The following ANKRD11 variants were observed in gnomAD, a reference collection of about 807,000 sequenced individuals.
ANKRD11 encodes ankyrin repeat domain-containing protein 11.
In ANKRD11, 17 loss-of-function variants were observed where a neutral mutation model predicts 195.7. That is an observed-to-expected ratio of 0.09 (90% confidence interval 0.06 to 0.13). ANKRD11 has a LOEUF of 0.13. Among genes scored for constraint, ANKRD11 ranks in the 10% least tolerant of loss-of-function variants. ANKRD11 has a pLI of 1.00. For synonymous variants in ANKRD11, 1,953 were observed against 1,528.1 expected (o/e 1.28, Z -6.49); for missense variants, 3,735 against 3,566.1 (o/e 1.05, Z -1.21).
intron 1 of ANKRD11, among the ~76,000 whole-genome samples, chr16:89,423,876 G>C (rs1027190842): frequency 6.6e-6 from 1 of 152,194 alleles, no homozygotes; most frequent in African/African-American, 2.4e-5. Context: ...ACAAAATGTA[G>C]AAGAGGGGTC....
At chr16:89,406,726 G>A (rs1057344750) in intron 2 of ANKRD11, among the ~76,000 whole-genome samples, 6 of 152,166 alleles carry the variant, frequency 3.9e-5, no homozygotes, top group African/African-American at 1.4e-4. Context: ...GGACCTCAGT[G>A]CCTCCTTCAC....
intron 7 of ANKRD11, chr16:89,286,999 T>C: frequency 3.1e-6 from 4 of 1,289,630 alleles, no homozygotes; most frequent in Non-Finnish European, 4.0e-6. Context: ...AGTACAGAGT[T>C]CTTATGTGTG....
intron 2 of ANKRD11, among the ~76,000 whole-genome samples, chr16:89,319,443 T>C (rs1756995853): frequency 6.6e-6 from 1 of 152,214 alleles, no homozygotes; most frequent in African/African-American, 2.4e-5. Flanking sequence ...CTCCGGGGAC[T>C]CGGGAGTGTT....
chr16:89,356,926 C>T (rs1351664051), intron 2 of ANKRD11, among the ~76,000 whole-genome samples: 1 of 152,240 alleles, frequency 6.6e-6, no homozygotes, highest in Admixed American at 6.5e-5. Context: ...TCCCAGGCAT[C>T]CTGCTGCTGG....
rs2037115389 is a variant in ANKRD11, at chr16:89,318,650, G to A, written c.-59-1572C>T. Among the ~76,000 whole-genome samples the A allele has an allele frequency of 5.3e-5, 8 of 152,208 alleles. No individual in the cohort carries two copies. In the South Asian group the frequency reaches 1.7e-3, roughly 31 times the overall value. The stretch of plus-strand genomic sequence containing the variant: ...CGTTGCATGCCACCTGCCCCTGGAC[G>A]CAGGCTTGGCTGAGACCACAAGATG... On this transcript the variant is annotated intron_variant, in intron 2 of 12. Coordinates refer to ENST00000301030, the MANE Select transcript of ANKRD11 (RefSeq NM_013275.6).
intron 2 of ANKRD11, among the ~76,000 whole-genome samples, chr16:89,347,432 A>AC (rs1023320995): frequency 9.2e-5 from 14 of 151,944 alleles, no homozygotes; most frequent in African/African-American, 3.4e-4. Context: ...GCACGGTGAA[A>AC]CCCCGTCTCT....
chr16:89,298,225 A>C (rs2151834951), intron 4 of ANKRD11: 1 of 152,414 alleles, frequency 6.6e-6, no homozygotes, highest in South Asian at 2.1e-4. Context: ...TCAGATGACA[A>C]CCAAACAGAA....
At chr16:89,337,622 A>G (rs2038440426) in intron 2 of ANKRD11, among the ~76,000 whole-genome samples, 2 of 151,582 alleles carry the variant, frequency 1.3e-5, no homozygotes, top group African/African-American at 4.8e-5. Flanking sequence ...TATTTTTTAT[A>G]GTAGAGATGG....
intron 1 of ANKRD11, among the ~76,000 whole-genome samples, chr16:89,428,265 C>T (rs1020911203): frequency 5.3e-5 from 8 of 151,944 alleles, no homozygotes; most frequent in Non-Finnish European, 7.4e-5. Flanking sequence ...GTGGTTCACG[C>T]CTATAATCCC....
In ANKRD11 at chr16:89,428,252, A is replaced by G. The variant is rs186335715; in HGVS notation, c.-144-9884T>C. Among the ~76,000 whole-genome samples, 927 of 151,350 alleles carry G rather than the reference A, an allele frequency of 6.1e-3. 3 individuals are homozygous for G. Among genetic ancestry groups the G allele is most frequent in the Middle Eastern group, 0.028 (8 of 288 alleles). ...TTAAAATAAAATTCTTTGGCCGGGC[A>G]CGGTGGTTCACGCCTATAATCCCAG... On this transcript the variant is annotated intron_variant, in intron 1 of 12. Transcript: ENST00000301030.
At chr16:89,371,602 G>C (rs549463731) in intron 2 of ANKRD11, among the ~76,000 whole-genome samples, 3 of 152,290 alleles carry the variant, frequency 2.0e-5, no homozygotes, top group Admixed American at 1.3e-4. Flanking sequence ...CCACATTCAA[G>C]GGTGCTGTGC....
intron 1 of ANKRD11, among the ~76,000 whole-genome samples, chr16:89,468,663 C>T (rs553749117): frequency 1.5e-4 from 23 of 152,170 alleles, no homozygotes; most frequent in South Asian, 1.5e-3. Context: ...GCCGAGATCG[C>T]GCCACTGCAC....
Position 89,282,075 on chromosome 16 carries a change from C to T in ANKRD11, c.4467G>A (p.Arg1489=). 3 of 1,613,916 alleles carry T rather than the reference C, an allele frequency of 1.9e-6. No homozygotes were observed. Among genetic ancestry groups the T allele is most frequent in the Non-Finnish European group, 2.5e-6 (3 of 1,179,994 alleles). ...RHADGLLRHH[R]DELLRHHRDE... is the part of the protein sequence containing the mutation. ...CCCTGTGATGCCGCAGGAGCTCGTC[C>T]CTGTGATGCCGCAGCAGCCCATCCG... The change falls in exon 9 of 13, where the codon AGG becomes AGA. Residue 1489 remains arginine (R), a synonymous_variant. Coordinates refer to ENST00000301030, the MANE Select transcript of ANKRD11 (RefSeq NM_013275.6).
chr16:89,316,131 G>A (rs2036942090), intron 3 of ANKRD11, among the ~76,000 whole-genome samples: 1 of 152,100 alleles, frequency 6.6e-6, no homozygotes, highest in Non-Finnish European at 1.5e-5. Context: ...GGCAGGAGCT[G>A]ACACACATCC....
chr16:89,384,605 C>T (rs2040815479), intron 2 of ANKRD11, among the ~76,000 whole-genome samples: 3 of 152,120 alleles, frequency 2.0e-5, no homozygotes, highest in African/African-American at 7.2e-5. Context: ...CAGAGCAGGG[C>T]AGCTTCTGCA....
chr16:89,482,239 A>G (rs1397059188), intron 1 of ANKRD11, among the ~76,000 whole-genome samples: 1 of 152,186 alleles, frequency 6.6e-6, no homozygotes. Flanking sequence ...TGTAGAGCAC[A>G]CTGCACCCCA....
chr16:89,482,151 T>G (rs2152375176), intron 1 of ANKRD11, among the ~76,000 whole-genome samples: 1 of 152,152 alleles, frequency 6.6e-6, no homozygotes, highest in Non-Finnish European at 1.5e-5. Context: ...AAAGCAGAGT[T>G]TGTCTAGTTT....
chr16:89,347,031 C>G (rs1367775976), intron 2 of ANKRD11, among the ~76,000 whole-genome samples: 1 of 152,102 alleles, frequency 6.6e-6, no homozygotes, highest in Non-Finnish European at 1.5e-5. Flanking sequence ...TGGTCAGTAG[C>G]AGGAAGAGAA....
chr16:89,390,686 G>A (rs531186199), intron 2 of ANKRD11, among the ~76,000 whole-genome samples: 37 of 152,208 alleles, frequency 2.4e-4, no homozygotes, highest in African/African-American at 8.7e-4. Flanking sequence ...GGTTCTCGGG[G>A]AAACAGTGAG....
Sources: allele counts gnomAD v4.1 joint callset (sites outside exome capture counted in the v4.1 genomes callset), GRCh38; gene constraint gnomAD v4.1.1; transcripts MANE v1.5; gene names NCBI Gene and HGNC (gene_info 2026-07-23, HGNC 2026-07-21).